Variants in SCN3A observed in about 807,000 individuals in gnomAD.
SCN3A encodes the protein sodium voltage-gated channel alpha subunit 3.
In SCN3A, 60 loss-of-function variants were observed where a neutral mutation model predicts 187.6. That is an observed-to-expected ratio of 0.32 (90% CI 0.26 to 0.40). The LOEUF is 0.40. SCN3A is among the 10% of genes least tolerant of loss of function. SCN3A has a pLI of 1.00. For missense variants in SCN3A, 1,601 were observed against 2,428.2 expected, an observed-to-expected ratio of 0.66 and a Z score of 7.16; for synonymous variants, 788 against 829.2, an observed-to-expected ratio of 0.95 and a Z score of 0.85.
chr2:165,126,599 C>T (rs1183389179), intron 18 of SCN3A, among the ~76,000 whole-genome samples: 7 of 98,680 alleles, frequency 7.1e-5, no homozygotes, highest in Admixed American at 2.8e-4. Flanking sequence ...TCCCTCCCTT[C>T]GTTCCTTCCT....
intron 1 of SCN3A, among the ~76,000 whole-genome samples, chr2:165,198,936 A>G (rs1343748304): frequency 2.0e-5 from 3 of 151,998 alleles, no homozygotes; most frequent in African/African-American, 7.2e-5. Flanking sequence ...TAGAGGCTTA[A>G]GCCCACAAAA....
At chr2:165,176,558 G>A (rs1690482129) in intron 2 of SCN3A, 114 bp from the exon 3 acceptor site, 2 of 772,424 alleles carry the variant, frequency 2.6e-6, no homozygotes, top group South Asian at 3.2e-5. Context: ...ATTAAGTCAT[G>A]CTTTTAGTAC....
At chr2:165,126,179 C>G (rs1686978632) in intron 18 of SCN3A, among the ~76,000 whole-genome samples, 1 of 152,210 alleles carries the variant, frequency 6.6e-6, no homozygotes, top group Non-Finnish European at 1.5e-5. Flanking sequence ...ATTATACCCT[C>G]AAGCCAAAAC....
intron 11 of SCN3A, among the ~76,000 whole-genome samples, chr2:165,150,083 C>T (rs1471906752): frequency 1.3e-5 from 2 of 152,272 alleles, no homozygotes; most frequent in South Asian, 4.1e-4. Context: ...ATATAGACTG[C>T]TATGGGATAT....
chr2:165,201,850 T>C (rs1488477262), intron 1 of SCN3A, among the ~76,000 whole-genome samples: 1 of 152,040 alleles, frequency 6.6e-6, no homozygotes, highest in Non-Finnish European at 1.5e-5. Context: ...AGAAACCAAC[T>C]GAAGAAAAAT....
intron 17 of SCN3A, among the ~76,000 whole-genome samples, chr2:165,128,660 G>A (rs1361866187): frequency 6.6e-6 from 1 of 152,124 alleles, no homozygotes; most frequent in South Asian, 2.1e-4. Flanking sequence ...AATTATATAC[G>A]ATTTAACACG....
chr2:165,115,100 C>T (rs900264173), intron 19 of SCN3A, among the ~76,000 whole-genome samples: 6 of 152,084 alleles, frequency 3.9e-5, no homozygotes, highest in Admixed American at 2.6e-4. Context: ...ATTGCCCAGG[C>T]TGAAGTGCAG....
At chr2:165,193,277 T>C (rs1453281409) in intron 1 of SCN3A, among the ~76,000 whole-genome samples, 1 of 152,120 alleles carries the variant, frequency 6.6e-6, no homozygotes, top group Non-Finnish European at 1.5e-5. Flanking sequence ...TTTTTCTATT[T>C]TATGTAGTCA....
chr2:165,125,431 G>A (rs1339423569), intron 18 of SCN3A, among the ~76,000 whole-genome samples: 1 of 152,026 alleles, frequency 6.6e-6, no homozygotes, highest in East Asian at 1.9e-4. Flanking sequence ...AGCCTCCCGA[G>A]TAGCTGGGAC....
chr2:165,123,779 A>G (rs1437855137), intron 18 of SCN3A, among the ~76,000 whole-genome samples: 1 of 152,186 alleles, frequency 6.6e-6, no homozygotes, highest in Non-Finnish European at 1.5e-5. Context: ...GGAAATTTCA[A>G]ATCAAAAATG....
At chr2:165,141,234 A>G (rs958850419) in intron 12 of SCN3A, among the ~76,000 whole-genome samples, 3 of 152,332 alleles carry the variant, frequency 2.0e-5, no homozygotes, top group African/African-American at 7.2e-5. Flanking sequence ...TACTAAGTAT[A>G]CAACCACTTC....
At chr2:165,149,699 A>G (rs1437276883) in intron 11 of SCN3A, among the ~76,000 whole-genome samples, 1 of 152,168 alleles carries the variant, frequency 6.6e-6, no homozygotes, top group Non-Finnish European at 1.5e-5. Context: ...ACCTGTTTAT[A>G]CCCAACTCTG....
At chr2:165,152,618 T>C (rs1688752838) in intron 11 of SCN3A, among the ~76,000 whole-genome samples, 1 of 152,170 alleles carries the variant, frequency 6.6e-6, no homozygotes, top group African/African-American at 2.4e-5. Flanking sequence ...AAATGGTATT[T>C]CTAGTTCTAG....
chr2:165,199,629 A>G (rs1326710076), intron 1 of SCN3A, among the ~76,000 whole-genome samples: 2 of 151,962 alleles, frequency 1.3e-5, no homozygotes, highest in Non-Finnish European at 1.5e-5. Flanking sequence ...AACTTGTGGT[A>G]TCCAGTTAAG....
intron 9 of SCN3A, among the ~76,000 whole-genome samples, chr2:165,157,449 G>A (rs1332386965): frequency 5.3e-5 from 8 of 152,104 alleles, no homozygotes; most frequent in Admixed American, 5.2e-4. Flanking sequence ...ATTTTTGGGT[G>A]GAAGACTACA....
intron 15 of SCN3A, among the ~76,000 whole-genome samples, chr2:165,137,460 C>T (rs960062392): frequency 2.6e-5 from 4 of 152,062 alleles, no homozygotes; most frequent in Admixed American, 2.6e-4. Flanking sequence ...AGGTAGTTAA[C>T]TTGAAACAAT....
chr2:165,176,917 G>T (rs1304664338), intron 2 of SCN3A, among the ~76,000 whole-genome samples: 1 of 152,042 alleles, frequency 6.6e-6, no homozygotes, highest in Non-Finnish European at 1.5e-5. Flanking sequence ...AAATAAAGAA[G>T]TACTGGTAAC....
chr2:165,181,075 A>G (rs1335265967), intron 2 of SCN3A, among the ~76,000 whole-genome samples: 1 of 152,054 alleles, frequency 6.6e-6, no homozygotes, highest in African/African-American at 2.4e-5. Flanking sequence ...AAAAAAATTT[A>G]ATGAGAAGAA....
chr2:165,095,842 T>A (rs1685341165), intron 24 of SCN3A, among the ~76,000 whole-genome samples, 194 bp from the exon 25 acceptor site: 1 of 152,180 alleles, frequency 6.6e-6, no homozygotes. Flanking sequence ...TGATTGTTCT[T>A]GATTCTCTTT....
Sources: gnomAD v4.1 joint callset for allele counts (sites outside exome capture counted in the v4.1 genomes callset) on GRCh38, gnomAD v4.1.1 for gene constraint, MANE v1.5 for transcripts, NCBI Gene and HGNC (gene_info 2026-07-23, HGNC 2026-07-21) for gene names.